Variants in SPACA1 observed in about 807,000 individuals in gnomAD.
SPACA1 encodes sperm acrosome membrane-associated protein 1.
SPACA1 carries 17 observed loss-of-function variants against 32.6 expected under a neutral mutation model. The ratio of observed to expected loss-of-function variants is 0.52; its 90% CI spans 0.36 to 0.78. The LOEUF is 0.78. SPACA1 is among the 30% of genes least tolerant of loss of function. The probability of loss-of-function intolerance (pLI) is 0.01; values close to 1 mark genes in which losing one functional copy is unlikely to be tolerated. For synonymous variants in SPACA1, 140 were observed against 138.1 expected (o/e 1.01, Z -0.10); for missense variants, 363 against 373.4 (o/e 0.97, Z 0.23).
chr6:88,058,115 T>C (rs983369526), intron 3 of SPACA1, among the ~76,000 whole-genome samples: 8 of 152,190 alleles, frequency 5.3e-5, no homozygotes, highest in Admixed American at 4.6e-4. Flanking sequence ...GTATCTCTAA[T>C]GGGAGTCCCT....
chr6:88,058,135 A>G (rs188490737), intron 3 of SPACA1, among the ~76,000 whole-genome samples: 78 of 152,290 alleles, frequency 5.1e-4, no homozygotes, highest in Non-Finnish European at 1.3e-4. Flanking sequence ...TAACCAGTAC[A>G]TTGGAAGCCA....
intron 5 of SPACA1, among the ~76,000 whole-genome samples, chr6:88,063,358 T>A (rs1348523208): frequency 6.6e-6 from 1 of 152,162 alleles, no homozygotes; most frequent in Admixed American, 6.5e-5. Context: ...GGAGTATACC[T>A]AGTAATAATA....
chr6:88,059,918 T>C (rs531434119), intron 5 of SPACA1, among the ~76,000 whole-genome samples: 6 of 152,378 alleles, frequency 3.9e-5, no homozygotes, highest in South Asian at 2.1e-4. Context: ...AACAGTCCTC[T>C]AACTTGAATT....
intron 5 of SPACA1, among the ~76,000 whole-genome samples, chr6:88,061,749 T>C (rs1249568610): frequency 6.6e-6 from 1 of 152,162 alleles, no homozygotes. Context: ...TTTGTGGTAC[T>C]TTGTTATGGT....
chr6:88,059,647 T>A (rs1034784704), intron 5 of SPACA1, 59 bp downstream of exon 5: 7 of 1,513,558 alleles, frequency 4.6e-6, no homozygotes, highest in East Asian at 4.8e-5. Flanking sequence ...AGCATTAAAA[T>A]CACTTAGAGG....
chr6:88,061,032 A>C (rs1775889545), intron 5 of SPACA1, among the ~76,000 whole-genome samples: 1 of 152,218 alleles, frequency 6.6e-6, no homozygotes, highest in Non-Finnish European at 1.5e-5. Context: ...AGTATCTACT[A>C]ATTTCTTTAA....
upstream of SPACA1, chr6:88,047,678 C>T (rs1434462480): frequency 3.9e-6 from 2 of 515,116 alleles, no homozygotes; most frequent in East Asian, 3.2e-5. Context: ...ACTTGTCGCA[C>T]GCGGCTTCTC....
chr6:88,056,314 A>G (rs752358703), intron 2 of SPACA1, among the ~76,000 whole-genome samples: 3 of 152,358 alleles, frequency 2.0e-5, no homozygotes, highest in Middle Eastern at 3.4e-3. Flanking sequence ...AGATCGCGCC[A>G]CTGCACTCTA....
intron 2 of SPACA1, among the ~76,000 whole-genome samples, 180 bp from the exon 3 acceptor site, chr6:88,057,432 T>G (rs767812730): frequency 1.1e-4 from 17 of 152,168 alleles, no homozygotes; most frequent in Admixed American, 7.2e-4. Context: ...GAAAATGCTG[T>G]TTTAGGAAAT....
Position 88,054,225 on chromosome 6 carries a change from AT to A in SPACA1, c.265+237del, listed in dbSNP as rs11372759. Among the ~76,000 whole-genome samples the A allele has an allele frequency of 5.1e-3, 737 of 143,962 alleles. 2 individuals are homozygous for A. The highest frequency in any genetic ancestry group is 0.012 in the African/African-American group (490 of 39,296). The allele number at this position is 143,962 out of a possible 152,430, so 94.4% of individuals were successfully genotyped here. On this transcript the variant is annotated intron_variant, in intron 2 of 6. Transcript: ENST00000237201. ...AAATCTTATTTTAAGCCAGCTCCCTATTTTTTTTTTTTTTGCACATAAACTG... is the reference window on the plus strand; with the variant it reads ...AAATCTTATTTTAAGCCAGCTCCCTATTTTTTTTTTTTTGCACATAAACTG...
chr6:88,055,019 T>C (rs1213966296), intron 2 of SPACA1, among the ~76,000 whole-genome samples: 1 of 151,952 alleles, frequency 6.6e-6, no homozygotes, highest in Non-Finnish European at 1.5e-5. Context: ...CTTCTTTCTA[T>C]CTCTTAAAAT....
At position 88,048,096 on chromosome 6, in the gene SPACA1, C is replaced by G; in HGVS notation, c.191C>G (p.Pro64Arg). The part of the protein sequence containing the change: ...NDSETAENYA[P>R]PETEDVSNRN... The stretch of plus-strand genomic sequence containing the variant: ...AGCGAGACCGCGGAGAACTACGCTC[C>G]GCCTGAAACCGAGGATGGTGAGGGC... The change falls in exon 1 of 7, where the codon CCG becomes CGG. Residue 64 changes from proline (P) to arginine (R), a missense_variant. By Grantham distance (103) the Pro-to-Arg change is moderately radical (BLOSUM62 -2). Coordinates refer to ENST00000237201, the MANE Select transcript of SPACA1 (RefSeq NM_030960.3). The G allele has an allele frequency of 6.3e-7, 1 of 1,593,470 alleles. No individual in the cohort carries two copies. Among genetic ancestry groups the G allele is most frequent in the Non-Finnish European group, 8.5e-7 (1 of 1,171,242 alleles).
intron 1 of SPACA1, among the ~76,000 whole-genome samples, chr6:88,048,989 AT>A (rs1331535966): frequency 6.6e-6 from 1 of 152,086 alleles, no homozygotes; most frequent in African/African-American, 2.4e-5. Context: ...GTCTATACAT[AT>A]CGAGTGACTG....
upstream of SPACA1, among the ~76,000 whole-genome samples, chr6:88,047,298 G>A (rs1345764565): frequency 1.3e-5 from 2 of 152,136 alleles, no homozygotes; most frequent in Admixed American, 1.3e-4. Flanking sequence ...AAAAATGAGG[G>A]ACTTGGAGTA....
chr6:88,048,492 C>G (rs1775679969), intron 1 of SPACA1, among the ~76,000 whole-genome samples: 1 of 151,258 alleles, frequency 6.6e-6, no homozygotes, highest in Non-Finnish European at 1.5e-5. Context: ...TTCCAAGTTG[C>G]TTGATTTCCA....
chr6:88,055,891 A>C (rs1318951608), intron 2 of SPACA1, among the ~76,000 whole-genome samples: 2 of 152,198 alleles, frequency 1.3e-5, no homozygotes, highest in African/African-American at 4.8e-5. Context: ...GAATTGCTTG[A>C]AGCCGGGAGG....
At position 88,066,180 on chromosome 6, in the gene SPACA1, A is replaced by G; in HGVS notation, c.732-2A>G. The G allele has an allele frequency of 1.3e-6, 2 of 1,553,004 alleles. No individual in the cohort carries two copies. Among genetic ancestry groups the G allele is most frequent in the South Asian group, 1.3e-5 (1 of 79,986 alleles). On this transcript the variant is annotated splice_acceptor_variant, in intron 6 of 6. Transcript: ENST00000237201. LOFTEE classifies it high-confidence loss of function. ...GGTTTTGGTTTTTGTTTTTTCTTCCAGGGCAGCAGTCAAGGCTTTCTGGGG... is the reference window on the plus strand; with the variant it reads ...GGTTTTGGTTTTTGTTTTTTCTTCCGGGGCAGCAGTCAAGGCTTTCTGGGG...
At chr6:88,063,595 G>A (rs1474290859) in intron 5 of SPACA1, among the ~76,000 whole-genome samples, 2 of 152,110 alleles carry the variant, frequency 1.3e-5, no homozygotes, top group Non-Finnish European at 1.5e-5. Flanking sequence ...CTGGGGTATA[G>A]TAATATTCTA....
At chr6:88,048,408 C>T (rs1775677039) in intron 1 of SPACA1, among the ~76,000 whole-genome samples, 1 of 152,040 alleles carries the variant, frequency 6.6e-6, no homozygotes, top group African/African-American at 2.4e-5. Context: ...GGGAGGTAGC[C>T]TTCCAACAAG....
Sources: allele counts gnomAD v4.1 joint callset (sites outside exome capture counted in the v4.1 genomes callset), GRCh38; gene constraint gnomAD v4.1.1; transcripts MANE v1.5; gene names NCBI Gene and HGNC (gene_info 2026-07-23, HGNC 2026-07-21).